The following PIBF1 variants were observed in gnomAD, a reference collection of about 807,000 sequenced individuals.
PIBF1 encodes progesterone immunomodulatory binding factor 1, also known as progesterone-induced-blocking factor 1.
Under a neutral mutation model 112.5 loss-of-function variants are expected in PIBF1, and 90 were observed. The observed-to-expected ratio is 0.80, with a 90% CI of 0.67 to 0.95. The LOEUF is 0.95. PIBF1 is among the 40% of genes least tolerant of loss of function. The pLI is 0.00. For synonymous variants in PIBF1, 301 were observed against 288.6 expected (o/e 1.04, Z -0.44); for missense variants, 915 against 852.3 (o/e 1.07, Z -0.92).
At chr13:72,914,212 T>C (rs1041782625) in intron 12 of PIBF1, among the ~76,000 whole-genome samples, 1 of 152,218 alleles carries the variant, frequency 6.6e-6, no homozygotes, top group Non-Finnish European at 1.5e-5. Flanking sequence ...TTAGCCTTCA[T>C]TTATTAAGGT....
intron 10 of PIBF1, among the ~76,000 whole-genome samples, chr13:72,856,403 A>G (rs2038424459): frequency 6.6e-6 from 1 of 152,190 alleles, no homozygotes; most frequent in Non-Finnish European, 1.5e-5. Flanking sequence ...CTTTGAAGTC[A>G]TAGTAAAGCC....
chr13:72,913,048 TG>T (rs1053396051), intron 12 of PIBF1, among the ~76,000 whole-genome samples: 25 of 151,098 alleles, frequency 1.7e-4, no homozygotes, highest in African/African-American at 4.6e-4. Context: ...AATCAAGGGG[TG>T]GGGGTAAAAA....
intron 11 of PIBF1, among the ~76,000 whole-genome samples, chr13:72,895,452 T>C (rs548529758): frequency 6.6e-6 from 1 of 151,604 alleles, no homozygotes; most frequent in South Asian, 2.1e-4. Flanking sequence ...CTTCGCCTTC[T>C]ACATAAATAA....
chr13:72,838,623 T>C (rs1348866745), intron 9 of PIBF1, among the ~76,000 whole-genome samples: 1 of 152,172 alleles, frequency 6.6e-6, no homozygotes. Context: ...GTGTTTAACT[T>C]ATTTGAACAC....
At chr13:72,996,568 A>G (rs1309487783) in intron 16 of PIBF1, among the ~76,000 whole-genome samples, 2 of 152,172 alleles carry the variant, frequency 1.3e-5, no homozygotes, top group African/African-American at 2.4e-5. Context: ...CTGGAGAATC[A>G]CTTAAGGCCA....
At chr13:72,941,985 G>A (rs937416567) in intron 14 of PIBF1, among the ~76,000 whole-genome samples, 3 of 152,128 alleles carry the variant, frequency 2.0e-5, no homozygotes, top group African/African-American at 4.8e-5. Context: ...AATATGAAAT[G>A]AGCTTTATTG....
At chr13:72,994,334 A>G (rs542500648) in intron 16 of PIBF1, among the ~76,000 whole-genome samples, 2 of 152,344 alleles carry the variant, frequency 1.3e-5, no homozygotes, top group African/African-American at 2.4e-5. Flanking sequence ...CATTGTTTCT[A>G]TCAATGAGAA....
intron 10 of PIBF1, among the ~76,000 whole-genome samples, chr13:72,861,103 T>G (rs2038677470): frequency 6.6e-6 from 1 of 152,124 alleles, no homozygotes; most frequent in South Asian, 2.1e-4. Context: ...ATTTTAATAG[T>G]GAACTTTTTT....
At chr13:72,914,375 GA>G (rs970385574) in intron 12 of PIBF1, among the ~76,000 whole-genome samples, 5 of 146,252 alleles carry the variant, frequency 3.4e-5, no homozygotes, top group East Asian at 2.0e-4. Flanking sequence ...ACTCATATTA[GA>G]AAAAAAAAAC....
At chr13:72,964,190 A>G (rs1336647181) in intron 14 of PIBF1, among the ~76,000 whole-genome samples, 1 of 152,246 alleles carries the variant, frequency 6.6e-6, no homozygotes, top group Non-Finnish European at 1.5e-5. Context: ...TACAACATAG[A>G]TGAACTTTGA....
chr13:72,866,557 A>G (rs1209525867), intron 10 of PIBF1, among the ~76,000 whole-genome samples: 1 of 152,128 alleles, frequency 6.6e-6, no homozygotes. Flanking sequence ...ACATACATTT[A>G]TTATGACTTA....
intron 14 of PIBF1, among the ~76,000 whole-genome samples, chr13:72,954,672 C>T (rs1416099504): frequency 6.6e-6 from 1 of 152,198 alleles, no homozygotes; most frequent in African/African-American, 2.4e-5. Context: ...AGTGTGTGTT[C>T]TGGTGGCTGA....
chr13:72,950,202 A>G (rs1022717129), intron 14 of PIBF1, among the ~76,000 whole-genome samples: 1 of 152,186 alleles, frequency 6.6e-6, no homozygotes, highest in African/African-American at 2.4e-5. Context: ...AATTTGAATA[A>G]TTCTAGTCTG....
intron 3 of PIBF1, among the ~76,000 whole-genome samples, chr13:72,793,293 T>A (rs2035027626): frequency 6.6e-6 from 1 of 152,198 alleles, no homozygotes; most frequent in Non-Finnish European, 1.5e-5. Context: ...GTAAAACAGG[T>A]AAATTTTCCC....
At chr13:72,921,269 ATTGT>A (rs1433795380) in intron 13 of PIBF1, among the ~76,000 whole-genome samples, 2 of 151,894 alleles carry the variant, frequency 1.3e-5, no homozygotes, top group African/African-American at 4.8e-5. Flanking sequence ...CGCCTGGCTA[ATTGT>A]TTGTATTTTA....
intron 10 of PIBF1, among the ~76,000 whole-genome samples, chr13:72,882,209 T>C (rs980218497): frequency 7.9e-5 from 12 of 152,192 alleles, no homozygotes; most frequent in Non-Finnish European, 1.6e-4. Flanking sequence ...GTCTCTTCTA[T>C]AGATTATACT....
intron 10 of PIBF1, among the ~76,000 whole-genome samples, chr13:72,870,678 G>T (rs1046755210): frequency 2.0e-5 from 3 of 152,102 alleles, no homozygotes; most frequent in African/African-American, 7.2e-5. Context: ...GTTGTAGGCT[G>T]TGAATGTCCC....
intron 14 of PIBF1, among the ~76,000 whole-genome samples, chr13:72,950,649 A>C (rs2042270480): frequency 6.6e-6 from 1 of 152,214 alleles, no homozygotes. Flanking sequence ...ATGTTTGTTA[A>C]GTGTTAAGCA....
At chr13:73,011,987 A>G (rs995707031) in intron 17 of PIBF1, among the ~76,000 whole-genome samples, 1 of 152,212 alleles carries the variant, frequency 6.6e-6, no homozygotes, top group Non-Finnish European at 1.5e-5. Context: ...GTGAGCAGAA[A>G]GATGAAAATC....
Sources: gnomAD v4.1 joint callset for allele counts (sites outside exome capture counted in the v4.1 genomes callset) on GRCh38, gnomAD v4.1.1 for gene constraint, MANE v1.5 for transcripts, NCBI Gene and HGNC (gene_info 2026-07-23, HGNC 2026-07-21) for gene names.